The following MCTP2 variants were observed in gnomAD, a reference collection of about 807,000 sequenced individuals.
MCTP2 encodes the protein multiple C2 and transmembrane domain containing 2.
In MCTP2, 132 loss-of-function variants were observed where a neutral mutation model predicts 111.6. That is an observed-to-expected ratio of 1.18 (90% confidence interval 1.03 to 1.37). The LOEUF (loss-of-function observed/expected upper bound fraction) is 1.37, where lower values mean the gene tolerates loss of function less well. Among genes scored for constraint, MCTP2 ranks in the 40% most tolerant of loss-of-function variants. The probability of loss-of-function intolerance (pLI) is 0.00; values close to 1 mark genes in which losing one functional copy is unlikely to be tolerated. For synonymous variants in MCTP2, 395 were observed against 387.7 expected (o/e 1.02, Z -0.22); for missense variants, 1,183 against 1,067.9 (o/e 1.11, Z -1.50).
chr15:94,321,049 A>G (rs2076609531), intron 4 of MCTP2, among the ~76,000 whole-genome samples: 1 of 152,218 alleles, frequency 6.6e-6, no homozygotes, highest in African/African-American at 2.4e-5. Flanking sequence ...AATGTTAAGT[A>G]AAATAAGTCA....
intron 1 of MCTP2, among the ~76,000 whole-genome samples, chr15:94,243,572 CAT>C (rs2071307879): frequency 2.7e-5 from 4 of 149,300 alleles, no homozygotes; most frequent in African/African-American, 9.9e-5. Context: ...TATGTACATA[CAT>C]ACGTATGCGT....
At chr15:94,394,739 T>C (rs926261086) in intron 14 of MCTP2, among the ~76,000 whole-genome samples, 3 of 152,054 alleles carry the variant, frequency 2.0e-5, no homozygotes, top group Non-Finnish European at 4.4e-5. Context: ...CACTCCAGCC[T>C]GGGCGACAGG....
At chr15:94,373,680 C>G (rs2079604154) in intron 12 of MCTP2, among the ~76,000 whole-genome samples, 2 of 152,180 alleles carry the variant, frequency 1.3e-5, no homozygotes, top group Non-Finnish European at 2.9e-5. Context: ...GAGCCTGTCT[C>G]TCTAAAATTG....
chr15:94,269,947 T>A (rs904027701), intron 1 of MCTP2, among the ~76,000 whole-genome samples: 2 of 152,086 alleles, frequency 1.3e-5, no homozygotes, highest in African/African-American at 4.8e-5. Flanking sequence ...TATCCATCTA[T>A]ATTGTAACAT....
At chr15:94,251,850 C>G (rs930654217) in intron 1 of MCTP2, among the ~76,000 whole-genome samples, 8 of 152,164 alleles carry the variant, frequency 5.3e-5, no homozygotes, top group Admixed American at 1.3e-4. Context: ...ACGAATTTGA[C>G]TACTTTAAGT....
intron 21 of MCTP2, among the ~76,000 whole-genome samples, chr15:94,475,157 G>A (rs1180657251): frequency 6.6e-6 from 1 of 152,108 alleles, no homozygotes; most frequent in Non-Finnish European, 1.5e-5. Context: ...AATGTCTTTA[G>A]AATAACACAG....
intron 12 of MCTP2, among the ~76,000 whole-genome samples, chr15:94,376,710 T>G (rs1023406346): frequency 6.6e-6 from 1 of 152,214 alleles, no homozygotes; most frequent in African/African-American, 2.4e-5. Context: ...TGATAACCAC[T>G]TTTATCTCTT....
chr15:94,438,174 C>A (rs2083582249), intron 17 of MCTP2, among the ~76,000 whole-genome samples: 1 of 152,054 alleles, frequency 6.6e-6, no homozygotes, highest in South Asian at 2.1e-4. Flanking sequence ...GTATAGTCGT[C>A]AAATTGCAGA....
chr15:94,297,957 T>C (rs1224417009), intron 1 of MCTP2, among the ~76,000 whole-genome samples: 1 of 152,160 alleles, frequency 6.6e-6, no homozygotes, highest in Non-Finnish European at 1.5e-5. Context: ...AACCTTATCA[T>C]CTCATTCTTC....
chr15:94,323,223 AG>A (rs1406607723), intron 4 of MCTP2, among the ~76,000 whole-genome samples: 1 of 152,206 alleles, frequency 6.6e-6, no homozygotes, highest in Non-Finnish European at 1.5e-5. Flanking sequence ...AACAATGGGC[AG>A]GTTTAGCAAT....
In MCTP2 at chr15:94,370,160, T is replaced by C. The variant is rs752926359; in HGVS notation, c.1562T>C (p.Leu521Pro). ...GTGAAGGTTTTAAAGGCAGCAGATC[T>C]CTTAGCGGCAGATTTCTCAGGTACA... Reference protein sequence around the residue: ...LQVKVLKAADLLAADFSGKSD... With the variant: ...LQVKVLKAADPLAADFSGKSD... Residue 521 changes from leucine to proline, a missense_variant, in exon 12 of 23, where the codon CTC (leucine) becomes CCC (proline). Physicochemically the swap from Leu to Pro is moderately conservative, Grantham distance 98 (BLOSUM62 -3). Coordinates refer to ENST00000357742, the MANE Select transcript of MCTP2 (RefSeq NM_001385001.1). 6 of 1,612,736 alleles carry C rather than the reference T, an allele frequency of 3.7e-6. No homozygotes were observed. The highest frequency in any genetic ancestry group is 5.1e-6 in the Non-Finnish European group (6 of 1,179,396).
intron 17 of MCTP2, among the ~76,000 whole-genome samples, chr15:94,424,636 T>C (rs2082791657): frequency 6.6e-6 from 1 of 152,208 alleles, no homozygotes; most frequent in Non-Finnish European, 1.5e-5. Context: ...TTCTGCTTCA[T>C]TAGTTAATGC....
At chr15:94,357,701 G>A (rs2152425642) in intron 9 of MCTP2, among the ~76,000 whole-genome samples, 2 of 152,284 alleles carry the variant, frequency 1.3e-5, no homozygotes, top group Middle Eastern at 3.4e-3. Context: ...TGCAAGAATA[G>A]TTAGTACGGG....
At chr15:94,233,398 TTCTC>T (rs766816381) in intron 1 of MCTP2, among the ~76,000 whole-genome samples, 4 of 152,152 alleles carry the variant, frequency 2.6e-5, no homozygotes, top group African/African-American at 7.2e-5. Context: ...TGCATATATA[TTCTC>T]TCTGTGTTAT....
At position 94,358,495 on chromosome 15, in the gene MCTP2, G is replaced by A; in HGVS notation, c.1184G>A (p.Ser395Asn). 1.9e-6 allele frequency: 3 copies of A among 1,613,598 alleles called. No individual in the cohort carries two copies. Among genetic ancestry groups the A allele is most frequent in the Non-Finnish European group, 2.5e-6 (3 of 1,179,612 alleles). ...CATGTTTTCTAGACACTGTGTAAGA[G>A]TGCAAATCCGCAGTGGCAGGAACAG... ...QRYKSKTLCK[S>N]ANPQWQEQFD... is the part of the protein sequence containing the mutation. Residue 395 changes from serine to asparagine, a missense_variant, in exon 10 of 23, where the codon AGT becomes AAT. Transcript: ENST00000357742.
intron 1 of MCTP2, among the ~76,000 whole-genome samples, chr15:94,296,160 C>T (rs1384493232): frequency 6.6e-6 from 1 of 152,150 alleles, no homozygotes; most frequent in Non-Finnish European, 1.5e-5. Context: ...CTACCCTACT[C>T]TCCTTCATTA....
In MCTP2 at chr15:94,277,652, A is replaced by G. The variant is rs373234278; in HGVS notation, c.-65-20549A>G. Reference sequence around the variant, plus strand: ...AGAGACTATAATGCAATCACTGGCTACCAGAGGTTCAGGGGGAGGTAAGAG... The same window carrying G: ...AGAGACTATAATGCAATCACTGGCTGCCAGAGGTTCAGGGGGAGGTAAGAG... On this transcript the variant is annotated intron_variant, in intron 1 of 22. Coordinates refer to ENST00000357742, the MANE Select transcript of MCTP2 (RefSeq NM_001385001.1). 2.6e-5 allele frequency among the ~76,000 whole-genome samples: 4 copies of G among 152,278 alleles called. No individual in the cohort carries two copies. The East Asian group carries it at 5.8e-4, about 22-fold the overall frequency.
At chr15:94,461,389 G>A (rs1426444870) in intron 20 of MCTP2, among the ~76,000 whole-genome samples, 4 of 152,136 alleles carry the variant, frequency 2.6e-5, no homozygotes, top group African/African-American at 9.7e-5. Context: ...GAACCTGGGA[G>A]GCGGAGGTTG....
At chr15:94,243,957 A>G (rs2071416796) in intron 1 of MCTP2, among the ~76,000 whole-genome samples, 1 of 146,486 alleles carries the variant, frequency 6.8e-6, no homozygotes, top group Non-Finnish European at 1.5e-5. Context: ...ATGTGTATAT[A>G]TTTACACACA....
Sources: allele counts gnomAD v4.1 joint callset (sites outside exome capture counted in the v4.1 genomes callset), GRCh38; gene constraint gnomAD v4.1.1; transcripts MANE v1.5; gene names NCBI Gene and HGNC (gene_info 2026-07-23, HGNC 2026-07-21).